The following FRAS1 variants were observed in gnomAD, a reference collection of about 807,000 sequenced individuals.
FRAS1 encodes extracellular matrix organizing protein FRAS1.
FRAS1 carries 290 observed loss-of-function variants against 435.2 expected under a neutral mutation model. The ratio of observed to expected loss-of-function variants is 0.67; its 90% CI spans 0.61 to 0.73. FRAS1 has a LOEUF of 0.73. FRAS1 is among the 30% of genes least tolerant of loss of function. FRAS1 has a pLI of 0.00. For missense variants in FRAS1, 4,860 were observed against 5,001.5 expected, an observed-to-expected ratio of 0.97 and a Z score of 0.85; for synonymous variants, 1,800 against 1,851.0, an observed-to-expected ratio of 0.97 and a Z score of 0.71.
chr4:78,511,288 T>A lies in FRAS1; in HGVS notation c.9795T>A (p.Ile3265=), dbSNP rs749282161. 2 of 1,600,852 alleles carry A rather than the reference T, an allele frequency of 1.2e-6. No homozygotes were observed. The highest frequency in any genetic ancestry group is 3.4e-5 in the Admixed American group (2 of 59,560). ...CTTCCTGTTAGGTCCTGGACAGCAT[T>A]TACTTCAGCCGGAGGTTCCATGTGC... is the stretch of plus-strand genomic sequence containing the variant. The part of the protein sequence containing the change: ...TSVNHMVLDS[I]YFSRRFHVRC... Residue 3265 remains isoleucine (I), a synonymous_variant, in exon 64 of 74, where the codon ATT becomes ATA. Transcript: ENST00000512123.
chr4:78,256,223 A>G (rs958204247), intron 6 of FRAS1, among the ~76,000 whole-genome samples: 15 of 152,274 alleles, frequency 9.9e-5, no homozygotes, highest in African/African-American at 3.6e-4. Context: ...TAAATGCCAA[A>G]TAAAGGAGAA....
intron 4 of FRAS1, among the ~76,000 whole-genome samples, chr4:78,247,689 T>G (rs1357151992): frequency 6.6e-6 from 1 of 152,178 alleles, no homozygotes; most frequent in Non-Finnish European, 1.5e-5. Flanking sequence ...GCATTTCCTT[T>G]CTTGCTTGTT....
intron 2 of FRAS1, among the ~76,000 whole-genome samples, chr4:78,103,709 G>T (rs1352613302): frequency 6.6e-6 from 1 of 152,158 alleles, no homozygotes; most frequent in Non-Finnish European, 1.5e-5. Flanking sequence ...CTTTCACCAT[G>T]TGAGGACACA....
intron 1 of FRAS1, among the ~76,000 whole-genome samples, chr4:78,062,889 A>C (rs1578099362): frequency 6.6e-6 from 1 of 152,146 alleles, no homozygotes; most frequent in Non-Finnish European, 1.5e-5. Context: ...GTTAGAACTT[A>C]AATTACCTGG....
intron 70 of FRAS1, among the ~76,000 whole-genome samples, chr4:78,527,666 C>A (rs1721584711): frequency 6.6e-6 from 1 of 152,068 alleles, no homozygotes; most frequent in Admixed American, 6.6e-5. Flanking sequence ...AAAGGGGATA[C>A]AAGCCTGATT....
intron 2 of FRAS1, among the ~76,000 whole-genome samples, chr4:78,074,568 G>C (rs1335681868): frequency 6.6e-6 from 1 of 152,102 alleles, no homozygotes; most frequent in Non-Finnish European, 1.5e-5. Context: ...TGCTTAGCCA[G>C]TAGTCCCTTT....
intron 2 of FRAS1, among the ~76,000 whole-genome samples, chr4:78,183,638 G>A (rs1722140083): frequency 6.6e-6 from 1 of 152,106 alleles, no homozygotes; most frequent in African/African-American, 2.4e-5. Flanking sequence ...GGCTAAAGAA[G>A]TGCAGGCTTC....
chr4:78,278,507 C>T (rs1727167986), intron 9 of FRAS1, 148 bp from the exon 10 acceptor site: 1 of 609,702 alleles, frequency 1.6e-6, no homozygotes, highest in Non-Finnish European at 2.9e-6. Flanking sequence ...GAAGACAGGA[C>T]AGGGGGAGAT....
intron 47 of FRAS1, among the ~76,000 whole-genome samples, chr4:78,454,893 A>T (rs1292299893): frequency 1.3e-5 from 2 of 152,174 alleles, no homozygotes; most frequent in Non-Finnish European, 2.9e-5. Flanking sequence ...GTGGTTCGGG[A>T]GAGGCCAGTA....
intron 70 of FRAS1, among the ~76,000 whole-genome samples, chr4:78,529,124 C>T (rs578013940): frequency 6.6e-6 from 1 of 151,986 alleles, no homozygotes; most frequent in Non-Finnish European, 1.5e-5. Flanking sequence ...AGTCAAGGAA[C>T]TGGGAGTCTG....
intron 54 of FRAS1, among the ~76,000 whole-genome samples, chr4:78,476,574 A>T (rs1719858554): frequency 6.6e-6 from 1 of 152,202 alleles, no homozygotes; most frequent in South Asian, 2.1e-4. Flanking sequence ...GACTAAGCTA[A>T]TGTCTCTAAT....
At chr4:78,415,506 C>G (rs1306447263) in intron 32 of FRAS1, among the ~76,000 whole-genome samples, 1 of 152,122 alleles carries the variant, frequency 6.6e-6, no homozygotes, top group African/African-American at 2.4e-5. Flanking sequence ...ATGCTGTTTG[C>G]TGCTTCCCAG....
intron 50 of FRAS1, among the ~76,000 whole-genome samples, chr4:78,469,767 C>G (rs1356196871): frequency 6.6e-6 from 1 of 151,898 alleles, no homozygotes; most frequent in African/African-American, 2.4e-5. Flanking sequence ...TTTTGTTTTT[C>G]CTTTTCTTCC....
At chr4:78,495,331 A>G (rs1359453354) in intron 59 of FRAS1, among the ~76,000 whole-genome samples, 1 of 152,164 alleles carries the variant, frequency 6.6e-6, no homozygotes, top group Non-Finnish European at 1.5e-5. Flanking sequence ...TGAAATAATC[A>G]AATGTATCCA....
chr4:78,347,350 C>A (rs992457380), intron 20 of FRAS1, among the ~76,000 whole-genome samples: 1 of 152,244 alleles, frequency 6.6e-6, no homozygotes, highest in Non-Finnish European at 1.5e-5. Flanking sequence ...GTCTTCCTCA[C>A]TAAAGCTCTC....
intron 41 of FRAS1, 53 bp downstream of exon 41, chr4:78,441,350 G>A: frequency 6.5e-7 from 1 of 1,537,950 alleles, no homozygotes; most frequent in Admixed American, 1.9e-5. Context: ...AGGGGAGAGG[G>A]AGGAGGACCT....
At chr4:78,080,330 C>A (rs1740837866) in intron 2 of FRAS1, among the ~76,000 whole-genome samples, 1 of 152,048 alleles carries the variant, frequency 6.6e-6, no homozygotes, top group Non-Finnish European at 1.5e-5. Flanking sequence ...TCAGAAGTGT[C>A]CATTAGATAA....
chr4:78,381,970 A>C (rs1732039002), intron 27 of FRAS1, among the ~76,000 whole-genome samples: 1 of 152,226 alleles, frequency 6.6e-6, no homozygotes, highest in South Asian at 2.1e-4. Context: ...AAATTATTGA[A>C]GTCTCTGAAT....
At chr4:78,249,064 C>CATATATATATATATATATATGCAT (rs1553934033) in intron 4 of FRAS1, among the ~76,000 whole-genome samples, 7 of 16,620 alleles carry the variant, frequency 4.2e-4, no homozygotes, top group Non-Finnish European at 8.4e-4. Flanking sequence ...TATATATATG[C>CATATATATATATATATATATGCAT]ATATATATAT....
Sources: allele counts gnomAD v4.1 joint callset (sites outside exome capture counted in the v4.1 genomes callset), GRCh38; gene constraint gnomAD v4.1.1; transcripts MANE v1.5; gene names NCBI Gene and HGNC (gene_info 2026-07-23, HGNC 2026-07-21).